The following DIP2A variants were observed in gnomAD, a reference collection of about 807,000 sequenced individuals.
DIP2A encodes the protein DIP2 acetate--CoA ligase A, also known as disco-interacting protein 2 homolog A.
DIP2A carries 85 observed loss-of-function variants against 177.4 expected under a neutral mutation model. The ratio of observed to expected loss-of-function variants is 0.48; its 90% confidence interval spans 0.40 to 0.57. The LOEUF is 0.57. DIP2A is among the 20% of genes least tolerant of loss of function. The pLI is 0.00. For missense variants in DIP2A, 1,791 were observed against 2,100.2 expected (o/e 0.85, Z 2.88); for synonymous variants, 886 against 881.8 (o/e 1.00, Z -0.08).
chr21:46,583,696 T>C, the DIP2A span, among the ~76,000 whole-genome samples: 2 of 152,198 alleles, frequency 1.3e-5, no homozygotes, highest in African/African-American at 2.4e-5. Flanking sequence ...GTGTTCATTA[T>C]CACAGGAGGA....
chr21:46,463,676 ATATT>A (rs1422255810), intron 1 of DIP2A, among the ~76,000 whole-genome samples: 2 of 113,522 alleles, frequency 1.8e-5, no homozygotes, highest in African/African-American at 6.7e-5. Context: ...AATCTGGGAT[ATATT>A]TGTGTGTGTG....
Position 46,563,731 on chromosome 21 carries a change from C to A in DIP2A, c.4090-127C>A. 7.0e-7 allele frequency: 1 copy of A among 1,420,192 alleles called. No individual in the cohort carries two copies. Among genetic ancestry groups the A allele is most frequent in the African/African-American group, 1.4e-5 (1 of 69,498 alleles). 88.0% of individuals were successfully genotyped at this position (1,420,192 alleles called of 1,614,324 possible). ...CAAATTTGGAGCGGCCTCTAAACTT[C>A]CTGACCTGACATGAGCACATCAGTC... On this transcript the variant is annotated intron_variant, in intron 34 of 37. Transcript: ENST00000417564. This position sits in a 1 kb window ranked among gnomAD's most constrained non-coding sequence, Gnocchi z 4.3.
chr21:46,576,010 A>G, the DIP2A span, among the ~76,000 whole-genome samples: 1 of 152,244 alleles, frequency 6.6e-6, no homozygotes, highest in African/African-American at 2.4e-5. Context: ...TACACCTTTG[A>G]AAAATGAAAG....
At chr21:46,466,023 T>A (rs2054795107) in intron 1 of DIP2A, among the ~76,000 whole-genome samples, 1 of 152,198 alleles carries the variant, frequency 6.6e-6, no homozygotes, top group African/African-American at 2.4e-5. Flanking sequence ...AATGATAATA[T>A]TTGTGCTTTC....
Position 46,498,900 on chromosome 21 carries a change from G to T in DIP2A, c.655+67G>T. ...GGTCAGGAGTGTCCAGGACAGAGGAGCAGATGGAGGGCACCTGAGCCAGGC... is the reference window on the plus strand; with the variant it reads ...GGTCAGGAGTGTCCAGGACAGAGGATCAGATGGAGGGCACCTGAGCCAGGC... On this transcript the variant is annotated intron_variant, in intron 5 of 37. Coordinates refer to ENST00000417564, the MANE Select transcript of DIP2A (RefSeq NM_015151.4). This position sits in a 1 kb window ranked among gnomAD's most constrained non-coding sequence, Gnocchi z 4.3. 1 of 1,489,440 alleles carries T rather than the reference G, an allele frequency of 6.7e-7. No homozygotes were observed. The highest frequency in any genetic ancestry group is 9.0e-7 in the Non-Finnish European group (1 of 1,116,440). 92.3% of individuals were successfully genotyped at this position (1,489,440 alleles called of 1,614,324 possible).
chr21:46,582,853 G>T, the DIP2A span, among the ~76,000 whole-genome samples: 1 of 152,134 alleles, frequency 6.6e-6, no homozygotes. Flanking sequence ...TAAAGGTAAA[G>T]ATAATTATAT....
intron 12 of DIP2A, 42 bp downstream of exon 12, chr21:46,534,155 C>A (rs1354835665): frequency 6.7e-6 from 10 of 1,485,278 alleles, no homozygotes; most frequent in Non-Finnish European, 9.4e-6. Context: ...AAACATGTCC[C>A]ACAGGCTTAA....
intron 32 of DIP2A, 61 bp downstream of exon 32, chr21:46,558,454 T>G: frequency 6.6e-7 from 1 of 1,521,778 alleles, no homozygotes; most frequent in Non-Finnish European, 8.8e-7. Context: ...AGACCCAGTT[T>G]CCCAGTTGTT....
In DIP2A at chr21:46,476,142, A is replaced by T. The variant is rs1002606274; in HGVS notation, c.92-8615A>T. Reference sequence around the variant, plus strand: ...GCACCTGTAGTCCCAGCTACTCGGGAGGCTGAGGCAGAATGGTGTGAACCC... The same window carrying T: ...GCACCTGTAGTCCCAGCTACTCGGGTGGCTGAGGCAGAATGGTGTGAACCC... On this transcript the variant is annotated intron_variant, in intron 1 of 37. Coordinates refer to ENST00000417564, the MANE Select transcript of DIP2A (RefSeq NM_015151.4). 5.3e-5 allele frequency among the ~76,000 whole-genome samples: 8 copies of T among 151,452 alleles called. No homozygotes were observed. In the South Asian group the frequency reaches 1.7e-3, roughly 32 times the overall value.
chr21:46,536,962 G>A (rs903054850), intron 13 of DIP2A, among the ~76,000 whole-genome samples: 8 of 151,476 alleles, frequency 5.3e-5, no homozygotes, highest in Non-Finnish European at 7.4e-5. Flanking sequence ...AGCTTCTTCA[G>A]TATGTGATGT....
At chr21:46,472,343 C>T (rs939015563) in intron 1 of DIP2A, among the ~76,000 whole-genome samples, 3 of 152,200 alleles carry the variant, frequency 2.0e-5, no homozygotes, top group Admixed American at 6.5e-5. Context: ...TATTCTGTTA[C>T]GGCAGCCTGA....
chr21:46,545,337 G>T (rs1295887241), intron 19 of DIP2A, 64 bp downstream of exon 19: 1 of 1,541,876 alleles, frequency 6.5e-7, no homozygotes, highest in African/African-American at 1.4e-5. Context: ...GGGGTCCCAG[G>T]TGTGCTGGGT....
At chr21:46,517,193 C>T (rs1239148417) in intron 8 of DIP2A, among the ~76,000 whole-genome samples, 1 of 150,798 alleles carries the variant, frequency 6.6e-6, no homozygotes, top group East Asian at 2.0e-4. Flanking sequence ...TCCTGAGTAG[C>T]TGGGACTACA....
chr21:46,560,930 A>G, intron 33 of DIP2A, 147 bp downstream of exon 33: 6 of 1,472,380 alleles, frequency 4.1e-6, no homozygotes, highest in South Asian at 1.4e-5. Flanking sequence ...GGATGGGCAC[A>G]TGAGAGGACA....
At chr21:46,546,006 G>C in intron 20 of DIP2A, 45 bp downstream of exon 20, 1 of 1,613,552 alleles carries the variant, frequency 6.2e-7, no homozygotes, top group Non-Finnish European at 8.5e-7. Context: ...AGAGAAGGTA[G>C]GGGGTGTGGC....
intron 5 of DIP2A, among the ~76,000 whole-genome samples, chr21:46,500,727 A>G (rs2057602698): frequency 6.6e-6 from 1 of 152,246 alleles, no homozygotes; most frequent in Admixed American, 6.5e-5. Context: ...TTAACCGTAC[A>G]GCCCTCAACT....
At chr21:46,473,329 G>C (rs1204480234) in intron 1 of DIP2A, among the ~76,000 whole-genome samples, 1 of 151,898 alleles carries the variant, frequency 6.6e-6, no homozygotes, top group African/African-American at 2.4e-5. Flanking sequence ...AAGGTGTGTT[G>C]GTGCATGCCT....
chr21:46,563,215 C>T lies in DIP2A; in HGVS notation c.4090-643C>T, dbSNP rs1240786322. ...CACACCTCCCTGTGGCCCGTCGTCCCCTCCTCTTGCCTGCCCTGAGCCTGC... is the reference window on the plus strand; with the variant it reads ...CACACCTCCCTGTGGCCCGTCGTCCTCTCCTCTTGCCTGCCCTGAGCCTGC... On this transcript the variant is annotated intron_variant, in intron 34 of 37. Transcript: ENST00000417564. The surrounding 1 kb of genome is among the most constrained non-coding windows in gnomAD (Gnocchi z 4.3). 6.6e-6 allele frequency among the ~76,000 whole-genome samples: 1 copy of T among 152,138 alleles called. No individual in the cohort carries two copies. Among genetic ancestry groups the T allele is most frequent in the African/African-American group, 2.4e-5 (1 of 41,432 alleles).
At chr21:46,551,076 T>C (rs941927223) in intron 23 of DIP2A, among the ~76,000 whole-genome samples, 24 of 152,314 alleles carry the variant, frequency 1.6e-4, no homozygotes, top group African/African-American at 5.8e-4. Flanking sequence ...CCCAGGATCA[T>C]CCTGGAGCTG....
Sources: gnomAD v4.1 joint callset for allele counts (sites outside exome capture counted in the v4.1 genomes callset) on GRCh38, gnomAD v4.1.1 for gene constraint, Gnocchi (gnomAD v3.1) non-coding constraint, MANE v1.5 for transcripts, NCBI Gene and HGNC (gene_info 2026-07-23, HGNC 2026-07-21) for gene names.